THSD4: variants seen among roughly 807,000 people sequenced by gnomAD.
THSD4 encodes the protein thrombospondin type-1 domain-containing protein 4.
Under a neutral mutation model 119.0 loss-of-function variants are expected in THSD4, and 69 were observed. The observed-to-expected ratio is 0.58, with a 90% confidence interval of 0.48 to 0.71. THSD4 has a LOEUF of 0.71. Ranked by LOEUF, THSD4 falls within the 30% of genes least tolerant of loss-of-function variation. The probability of loss-of-function intolerance (pLI) is 0.00; values close to 1 mark genes in which losing one functional copy is unlikely to be tolerated. For synonymous variants in THSD4, 524 were observed against 540.4 expected (o/e 0.97, Z 0.42); for missense variants, 1,393 against 1,391.1 (o/e 1.00, Z -0.02).
chr15:71,598,983 C>G (rs2049957970), intron 7 of THSD4, among the ~76,000 whole-genome samples: 1 of 152,146 alleles, frequency 6.6e-6, no homozygotes, highest in South Asian at 2.1e-4. Flanking sequence ...CAGCTTAAGT[C>G]CTGCCCACTT....
intron 7 of THSD4, among the ~76,000 whole-genome samples, chr15:71,514,637 A>G (rs1313206610): frequency 1.3e-5 from 2 of 152,222 alleles, no homozygotes; most frequent in South Asian, 2.1e-4. Flanking sequence ...TCTTCATGAC[A>G]TAATTAATAC....
At chr15:71,288,548 C>T (rs907478059) in intron 6 of THSD4, among the ~76,000 whole-genome samples, 7 of 152,168 alleles carry the variant, frequency 4.6e-5, no homozygotes, top group African/African-American at 1.7e-4. Context: ...ATTCCATCTC[C>T]TGCTGGTCAA....
chr15:71,603,198 C>T (rs926802642), intron 7 of THSD4, among the ~76,000 whole-genome samples: 15 of 152,168 alleles, frequency 9.9e-5, no homozygotes, highest in African/African-American at 3.6e-4. Flanking sequence ...GTTTTTGTCA[C>T]ACCACCAGGA....
chr15:71,674,997 G>T (rs1428548437), intron 8 of THSD4, among the ~76,000 whole-genome samples: 1 of 152,090 alleles, frequency 6.6e-6, no homozygotes, highest in Non-Finnish European at 1.5e-5. Flanking sequence ...AATATCTAAG[G>T]TTTTCTTTGA....
chr15:71,414,474 A>G (rs924365482), intron 7 of THSD4, among the ~76,000 whole-genome samples: 1 of 152,324 alleles, frequency 6.6e-6, no homozygotes, highest in African/African-American at 2.4e-5. Flanking sequence ...ACAAACTTCC[A>G]TGTGATATTG....
intron 6 of THSD4, among the ~76,000 whole-genome samples, chr15:71,382,715 C>T (rs1033562007): frequency 6.6e-6 from 1 of 152,108 alleles, no homozygotes; most frequent in African/African-American, 2.4e-5. Flanking sequence ...TTTAATTTCT[C>T]ATGGAATAAA....
intron 7 of THSD4, among the ~76,000 whole-genome samples, chr15:71,435,565 G>A (rs1447979560): frequency 6.6e-6 from 1 of 152,154 alleles, no homozygotes; most frequent in African/African-American, 2.4e-5. Flanking sequence ...GTAACTTTCC[G>A]GGTTTAGAAT....
chr15:71,108,352 C>T (rs1205014325), intron 1 of THSD4, among the ~76,000 whole-genome samples: 1 of 152,178 alleles, frequency 6.6e-6, no homozygotes, highest in Non-Finnish European at 1.5e-5. Context: ...AGCTTTGGGA[C>T]AAGCCCATGA....
intron 7 of THSD4, among the ~76,000 whole-genome samples, chr15:71,541,555 C>T (rs2048759996): frequency 6.6e-6 from 1 of 152,230 alleles, no homozygotes; most frequent in South Asian, 2.1e-4. Context: ...ATGGTAATCA[C>T]ACCTCTGAGC....
In THSD4 at chr15:71,747,051, G is replaced by A; in HGVS notation, c.2241+9G>A. On this transcript the variant is annotated intron_variant, in intron 13 of 17. Transcript: ENST00000261862. The stretch of plus-strand genomic sequence containing the variant: ...GGACCGACTGGACCTCGGTACGCAG[G>A]CAGGGCAGCCCGCTCTGCAGCTCCC... The A allele has an allele frequency of 6.3e-7, 1 of 1,593,422 alleles. No homozygotes were observed.
In THSD4 at chr15:71,268,280, A is replaced by G. The variant is rs1432050858; in HGVS notation, c.1015+11565A>G. Among the ~76,000 whole-genome samples the G allele has an allele frequency of 2.0e-5, 3 of 152,164 alleles. No homozygotes were observed. The East Asian group carries it at 5.8e-4, about 29-fold the overall frequency. ...TCTCTCAGACCACAGTGCAATCAAAATAGAACTCAGGATTAAGAAACTCAC... is the reference window on the plus strand; with the variant it reads ...TCTCTCAGACCACAGTGCAATCAAAGTAGAACTCAGGATTAAGAAACTCAC... On this transcript the variant is annotated intron_variant, in intron 6 of 17. Transcript: ENST00000261862.
At chr15:71,568,761 T>C (rs1275026465) in intron 7 of THSD4, among the ~76,000 whole-genome samples, 3 of 152,054 alleles carry the variant, frequency 2.0e-5, no homozygotes, top group Non-Finnish European at 4.4e-5. Context: ...CCACAACAGG[T>C]CCCGGTGTGT....
chr15:71,439,480 T>A (rs762812191), intron 7 of THSD4, among the ~76,000 whole-genome samples: 3 of 152,164 alleles, frequency 2.0e-5, no homozygotes, highest in Non-Finnish European at 1.5e-5. Context: ...GATCTAGAAC[T>A]AGAAATACCA....
At chr15:71,339,835 G>A (rs909610556) in intron 6 of THSD4, among the ~76,000 whole-genome samples, 1 of 151,858 alleles carries the variant, frequency 6.6e-6, no homozygotes, top group Non-Finnish European at 1.5e-5. Context: ...CGCGATCTCC[G>A]CTCACTGCAA....
chr15:71,276,545 G>A (rs1377391558), intron 6 of THSD4, among the ~76,000 whole-genome samples: 3 of 152,162 alleles, frequency 2.0e-5, no homozygotes, highest in Non-Finnish European at 4.4e-5. Context: ...TGGGAAGGGG[G>A]AATGGCTACA....
chr15:71,323,190 G>A (rs111939092), intron 6 of THSD4, among the ~76,000 whole-genome samples: 341 of 151,376 alleles, frequency 2.3e-3, no homozygotes, highest in African/African-American at 7.9e-3. Context: ...TTCTCTATTG[G>A]TTACACAGAC....
chr15:71,152,017 T>A (rs919423582), intron 2 of THSD4, among the ~76,000 whole-genome samples: 1 of 152,212 alleles, frequency 6.6e-6, no homozygotes, highest in African/African-American at 2.4e-5. Context: ...CTGCTCTAGA[T>A]CCTCAGCAAG....
intron 6 of THSD4, among the ~76,000 whole-genome samples, chr15:71,383,943 G>A (rs969537450): frequency 1.3e-5 from 2 of 152,162 alleles, no homozygotes; most frequent in African/African-American, 4.8e-5. Context: ...AGGAAGTCCT[G>A]AACTAATCCC....
At chr15:71,536,155 C>T (rs751020662) in intron 7 of THSD4, among the ~76,000 whole-genome samples, 10 of 152,174 alleles carry the variant, frequency 6.6e-5, no homozygotes, top group Non-Finnish European at 1.5e-4. Flanking sequence ...TCTTACAGTT[C>T]CAGAGATCAG....
Sources: allele counts gnomAD v4.1 joint callset (sites outside exome capture counted in the v4.1 genomes callset), GRCh38; gene constraint gnomAD v4.1.1; transcripts MANE v1.5; gene names NCBI Gene and HGNC (gene_info 2026-07-23, HGNC 2026-07-21).